The following C11orf65 variants were observed in gnomAD, a reference collection of about 807,000 sequenced individuals.
C11orf65 encodes the protein protein MFI.
A neutral mutation model predicts 35.3 loss-of-function variants in C11orf65; 38 were observed. That is an observed-to-expected ratio of 1.08 (90% CI 0.83 to 1.41). C11orf65 has a LOEUF of 1.41. Among genes scored for constraint, C11orf65 ranks in the 40% most tolerant of loss-of-function variants. The probability of loss-of-function intolerance (pLI) is 0.00; values close to 1 mark genes in which losing one functional copy is unlikely to be tolerated. For missense variants in C11orf65, 370 were observed against 367.1 expected (o/e 1.01, Z -0.06); for synonymous variants, 105 against 114.4 (o/e 0.92, Z 0.53).
At chr11:108,370,210 CA>C (rs1213907734) in intron 2 of C11orf65, among the ~76,000 whole-genome samples, 4 of 151,848 alleles carry the variant, frequency 2.6e-5, no homozygotes, top group African/African-American at 7.3e-5. Flanking sequence ...TTATAAAGGA[CA>C]TTTTTTTCAT....
intron 3 of C11orf65, among the ~76,000 whole-genome samples, chr11:108,413,329 T>A (rs1355140942): frequency 6.6e-6 from 1 of 152,160 alleles, no homozygotes; most frequent in African/African-American, 2.4e-5. Flanking sequence ...TTTCCCATCG[T>A]CCACTTCCCT....
intron 3 of C11orf65, chr11:108,331,857 T>C (rs1254817388): frequency 6.2e-7 from 1 of 1,611,154 alleles, no homozygotes; most frequent in Non-Finnish European, 8.5e-7. Context: ...TTTGCATAAA[T>C]CTAATAGTTC....
At chr11:108,360,216 G>A (rs1295127749) in intron 2 of C11orf65, among the ~76,000 whole-genome samples, 3 of 150,244 alleles carry the variant, frequency 2.0e-5, no homozygotes, top group East Asian at 2.0e-4. Context: ...TAAATTCCTC[G>A]ACACATACAC....
At chr11:108,343,100 G>T in intron 2 of C11orf65, 1 of 1,249,336 alleles carries the variant, frequency 8.0e-7, no homozygotes, top group Non-Finnish European at 1.2e-6. Context: ...GTCTTCTATG[G>T]ACAGAGAAAT....
At chr11:108,342,145 T>C (rs1292216636) in intron 2 of C11orf65, among the ~76,000 whole-genome samples, 1 of 152,166 alleles carries the variant, frequency 6.6e-6, no homozygotes, top group Non-Finnish European at 1.5e-5. Flanking sequence ...GTGTATTTTA[T>C]GTGTGGCCCA....
intron 6 of C11orf65, among the ~76,000 whole-genome samples, chr11:108,319,737 A>T (rs1187710186): frequency 7.2e-5 from 11 of 152,248 alleles, no homozygotes; most frequent in African/African-American, 2.7e-4. Context: ...GAGCATATTT[A>T]GAACCAGGCA....
chr11:108,439,935 C>T (rs1784927859), intron 2 of C11orf65, among the ~76,000 whole-genome samples: 2 of 152,022 alleles, frequency 1.3e-5, no homozygotes, highest in Non-Finnish European at 2.9e-5. Flanking sequence ...GAGTTATACA[C>T]CTAAAAACGG....
rs368666328 is a variant in C11orf65 at position 108,347,290 on chromosome 11, C to T, written c.227-11998G>A. 5.6e-6 allele frequency: 9 copies of T among 1,609,096 alleles called. No individual in the cohort carries two copies. Among genetic ancestry groups the T allele is most frequent in the East Asian group, 2.2e-5 (1 of 44,746 alleles). ...TCTTTTTTCTCCAGTTGGTTACATA[C>T]TTGGACTTGGTGATAGACATGTACA... On this transcript the variant is annotated intron_variant, in intron 2 of 3. Transcript: ENST00000524755.
rs541325813 is a variant in C11orf65, at chr11:108,355,967, G to T, written c.227-20675C>A. The T allele has an allele frequency of 2.0e-5, 3 of 152,292 alleles. No homozygotes were observed. In the East Asian group the frequency reaches 5.8e-4, roughly 29 times the overall value. The allele number at this position is 152,292 out of a possible 1,614,324, so 9.4% of individuals were successfully genotyped here. ...ATACAGATTTTGCTACAAGGAGTTT[G>T]CTGAAATAGGTCCCAATAATACGTT... On this transcript the variant is annotated intron_variant, in intron 2 of 3. Coordinates refer to the C11orf65 transcript ENST00000524755.
intron 6 of C11orf65, among the ~76,000 whole-genome samples, chr11:108,318,374 T>TAAAATAAAAAAAATAAAA (rs2084932035): frequency 1.4e-5 from 2 of 143,786 alleles, no homozygotes; most frequent in African/African-American, 5.2e-5. Context: ...AAAAAATAAA[T>TAAAATAAAAAAAATAAAA]AAAATAAAAA....
At chr11:108,441,568 C>T (rs1052289308) in intron 2 of C11orf65, among the ~76,000 whole-genome samples, 4 of 152,186 alleles carry the variant, frequency 2.6e-5, no homozygotes, top group African/African-American at 9.7e-5. Context: ...GGGAGGCACC[C>T]CCCAGTAGGG....
chr11:108,468,633 C>T (rs2093560697), upstream of C11orf65, among the ~76,000 whole-genome samples: 1 of 152,180 alleles, frequency 6.6e-6, no homozygotes, highest in Non-Finnish European at 1.5e-5. Context: ...ACTCACTGAA[C>T]TTCCAGAGTT....
chr11:108,448,018 A>G (rs569498193), intron 2 of C11orf65, among the ~76,000 whole-genome samples: 6 of 152,332 alleles, frequency 3.9e-5, no homozygotes, highest in East Asian at 1.9e-4. Flanking sequence ...CTATGCAAAT[A>G]AACTAGAAAA....
At chr11:108,436,080 CAG>C (rs1470877911) in intron 2 of C11orf65, among the ~76,000 whole-genome samples, 4 of 142,262 alleles carry the variant, frequency 2.8e-5, no homozygotes, top group African/African-American at 1.0e-4. Context: ...TGAAAATAGA[CAG>C]GGGTTGCTCC....
chr11:108,357,041 A>G (rs1052125546), intron 2 of C11orf65, among the ~76,000 whole-genome samples: 1 of 152,242 alleles, frequency 6.6e-6, no homozygotes, highest in African/African-American at 2.4e-5. Context: ...TACCAGGTTC[A>G]TCTCACTAGG....
intron 2 of C11orf65, among the ~76,000 whole-genome samples, chr11:108,458,985 T>G (rs1424210470): frequency 6.6e-6 from 1 of 152,322 alleles, no homozygotes. Flanking sequence ...CTAGTACGAG[T>G]ATCTTTTGTT....
At chr11:108,396,870 T>TAAATAAATAAATAAATAAATAAATAAATA (rs71942809) in intron 6 of C11orf65, among the ~76,000 whole-genome samples, 1 of 144,934 alleles carries the variant, frequency 6.9e-6, no homozygotes, top group African/African-American at 2.5e-5. Flanking sequence ...AATAAATAAA[T>TAAATAAATAAATAAATAAATAAATAAATA]AAATAAAATA....
In C11orf65 at chr11:108,393,318, G is replaced by A. The variant is rs2092213810; in HGVS notation, c.621C>T (p.His207=). Residue 207 remains histidine, a synonymous_variant, in exon 7 of 9, where the codon CAC becomes CAT. Coordinates refer to ENST00000393084, the MANE Select transcript of C11orf65 (RefSeq NM_152587.5). ...STHHETLGLI[H]TATKGLIRAF... is the part of the protein sequence containing the mutation. ...CTCTAATCAGCCCCTTTGTTGCAGT[G>A]TGAATTAGTCCTAGAGTTTCATGAT... 6 of 1,614,064 alleles carry A rather than the reference G, an allele frequency of 3.7e-6. No individual in the cohort carries two copies. The highest frequency in any genetic ancestry group is 2.2e-5 in the East Asian group (1 of 44,862).
intron 3 of C11orf65, among the ~76,000 whole-genome samples, chr11:108,422,758 T>C (rs1376365704): frequency 6.6e-6 from 1 of 151,968 alleles, no homozygotes; most frequent in African/African-American, 2.4e-5. Flanking sequence ...GGCGGGCACC[T>C]GTAGTCCCAG....
Sources: allele counts gnomAD v4.1 joint callset (sites outside exome capture counted in the v4.1 genomes callset), GRCh38; gene constraint gnomAD v4.1.1; transcripts MANE v1.5; gene names NCBI Gene and HGNC (gene_info 2026-07-23, HGNC 2026-07-21).